The following BCR variants were observed in gnomAD, a reference collection of about 807,000 sequenced individuals.
The protein encoded by BCR is BCR activator of RhoGEF and GTPase, also known as breakpoint cluster region protein.
BCR carries 58 observed loss-of-function variants against 138.6 expected under a neutral mutation model. The ratio of observed to expected loss-of-function variants is 0.42; its 90% CI spans 0.34 to 0.52. The LOEUF is 0.52. Ranked by LOEUF, BCR falls within the 20% of genes least tolerant of loss-of-function variation. The pLI is 0.06. For missense variants in BCR, 1,599 were observed against 1,727.2 expected, an observed-to-expected ratio of 0.93 and a Z score of 1.32; for synonymous variants, 786 against 730.1, an observed-to-expected ratio of 1.08 and a Z score of -1.23.
chr22:23,293,685 C>T (rs998837627), intron 15 of BCR, among the ~76,000 whole-genome samples: 15 of 152,046 alleles, frequency 9.9e-5, no homozygotes, highest in Non-Finnish European at 1.6e-4. Context: ...CAGGCAGCCA[C>T]GGAAGCTCCG....
At chr22:23,302,392 G>A (rs1368870865) in intron 16 of BCR, 1 of 152,378 alleles carries the variant, frequency 6.6e-6, no homozygotes, top group African/African-American at 2.4e-5. Flanking sequence ...GTTGGATCTG[G>A]ACACTCCCGG....
At chr22:23,203,633 T>C (rs943580768) in intron 1 of BCR, among the ~76,000 whole-genome samples, 1 of 152,180 alleles carries the variant, frequency 6.6e-6, no homozygotes, top group African/African-American at 2.4e-5. Context: ...ATTCAGGAAG[T>C]TTCCTGAGGC....
chr22:23,310,519 CCTCT>C, intron 18 of BCR, 86 bp downstream of exon 18: 3 of 732,284 alleles, frequency 4.1e-6, no homozygotes, highest in Non-Finnish European at 4.9e-6. Flanking sequence ...GTGGGTCTCT[CCTCT>C]CTGTGCGTGG....
At chr22:23,236,993 T>C (rs1386344157) in intron 1 of BCR, among the ~76,000 whole-genome samples, 3 of 152,228 alleles carry the variant, frequency 2.0e-5, no homozygotes, top group African/African-American at 7.2e-5. Flanking sequence ...CTGAGGATTT[T>C]CCAGAAGAAG....
intron 10 of BCR, among the ~76,000 whole-genome samples, chr22:23,285,827 A>T (rs944831045): frequency 6.6e-6 from 1 of 152,134 alleles, no homozygotes; most frequent in East Asian, 1.9e-4. Context: ...AGCGCATGAC[A>T]GCTAGCAGTA....
rs1299793441 is a variant in BCR, at chr22:23,182,212, G to A, written c.1252G>A (p.Gly418Ser). Residue 418 changes from glycine (G) to serine (S), a missense_variant, in exon 1 of 23, where the codon GGC (glycine) becomes AGC (serine). Physicochemically the swap from Gly to Ser is moderately conservative, Grantham distance 56 (BLOSUM62 0). This residue lies in a region of BCR where 806 missense variants were observed against 635.0 expected (regional missense o/e 1.27). Transcript: ENST00000305877. The part of the protein sequence containing the change: ...RKTGQIWPND[G>S]EGAFHGDADG... ...GACCGGGCAGATCTGGCCCAACGATGGCGAGGGCGCCTTCCATGGAGACGC... is the reference window on the plus strand; with the variant it reads ...GACCGGGCAGATCTGGCCCAACGATAGCGAGGGCGCCTTCCATGGAGACGC... 2 of 1,581,556 alleles carry A rather than the reference G, an allele frequency of 1.3e-6. No individual in the cohort carries two copies. Among genetic ancestry groups the A allele is most frequent in the Admixed American group, 3.4e-5 (2 of 58,370 alleles).
chr22:23,261,028 C>T lies in BCR; in HGVS notation c.1540C>T (p.Leu514=). 1 of 1,613,790 alleles carries T rather than the reference C, an allele frequency of 6.2e-7. No homozygotes were observed. Among genetic ancestry groups the T allele is most frequent in the Non-Finnish European group, 8.5e-7 (1 of 1,180,000 alleles). The change falls in exon 3 of 23, where the codon CTG becomes TTG. Residue 514 remains leucine, a synonymous_variant. Transcript: ENST00000305877. ...SGILASEETY[L]SHLEALLLPM... ...AATCCTGGCTAGCGAGGAGACTTAC[C>T]TGAGCCACCTGGAGGCACTGCTGCT...
At chr22:23,287,137 A>T in intron 10 of BCR, 22 bp from the exon 11 acceptor site, 1 of 1,572,012 alleles carries the variant, frequency 6.4e-7, no homozygotes. Context: ...TGGGAAGGTG[A>T]GGCTGTGGCA....
Position 23,288,191 on chromosome 22 carries a change from G to A in BCR, c.2602+19G>A, listed in dbSNP as rs761208560. The stretch of plus-strand genomic sequence containing the variant: ...AAGAAGTGTGAGTATCCTCTGTCCT[G>A]AGAGGGGCTGGGCTTCAAACCATTA... On this transcript the variant is annotated intron_variant, in intron 12 of 22. Transcript: ENST00000305877. 6.2e-7 allele frequency: 1 copy of A among 1,610,248 alleles called. No homozygotes were observed. Among genetic ancestry groups the A allele is most frequent in the Non-Finnish European group, 8.5e-7 (1 of 1,176,470 alleles).
intron 16 of BCR, among the ~76,000 whole-genome samples, chr22:23,298,142 C>G (rs531015675): frequency 6.6e-6 from 1 of 152,188 alleles, no homozygotes; most frequent in Non-Finnish European, 1.5e-5. Flanking sequence ...TGGGGACTTG[C>G]AGCCAAGAAG....
At chr22:23,194,158 C>T (rs1362076833) in intron 1 of BCR, among the ~76,000 whole-genome samples, 2 of 152,182 alleles carry the variant, frequency 1.3e-5, no homozygotes, top group Non-Finnish European at 2.9e-5. Flanking sequence ...TATTTTTGCC[C>T]ACATCTTAGA....
chr22:23,313,049 G>C, intron 20 of BCR, 28 bp downstream of exon 20: 1 of 1,546,534 alleles, frequency 6.5e-7, no homozygotes, highest in Non-Finnish European at 8.7e-7. Context: ...TGGCCTCATG[G>C]GAGACGTCTC....
chr22:23,296,622 C>T (rs2073848307), intron 16 of BCR, among the ~76,000 whole-genome samples: 1 of 152,146 alleles, frequency 6.6e-6, no homozygotes, highest in Non-Finnish European at 1.5e-5. Flanking sequence ...CTCAGAGCCT[C>T]CTGGGGCTCC....
At chr22:23,237,118 A>T (rs976071408) in intron 1 of BCR, among the ~76,000 whole-genome samples, 1 of 152,212 alleles carries the variant, frequency 6.6e-6, no homozygotes, top group Non-Finnish European at 1.5e-5. Flanking sequence ...CTGCAGTGGC[A>T]TGGTGATATA....
rs769363209 is a variant in BCR, at chr22:23,313,979, C to T, written c.3469C>T (p.Pro1157Ser). The T allele has an allele frequency of 4.1e-5, 66 of 1,613,846 alleles. No individual in the cohort carries two copies. The highest frequency in any genetic ancestry group is 3.3e-4 in the Middle Eastern group (2 of 6,058). ...NFAEGIALSDPVAKESCMLNL... is the reference protein window; with the variant it reads ...NFAEGIALSDSVAKESCMLNL... ...ACCGCCTTCTGCAGCTCTTTCAGAC[C>T]CGGTTGCAAAGGAGAGCTGCATGCT... Residue 1157 changes from proline (P) to serine (S), a missense_variant, in exon 21 of 23, where the codon CCG becomes TCG. Around this residue, in one of 4 missense-constraint regions of BCR, gnomAD observed 177 missense variants for 226.4 expected, o/e 0.78. Transcript: ENST00000305877.
intron 16 of BCR, among the ~76,000 whole-genome samples, chr22:23,305,646 T>C (rs2073948091): frequency 6.6e-6 from 1 of 152,182 alleles, no homozygotes; most frequent in African/African-American, 2.4e-5. Flanking sequence ...GATAGTTTTC[T>C]AGGCAGACCT....
rs758773118 is a variant in BCR, at chr22:23,310,397, CAG to C, written c.3147_3148del (p.Val1051LeufsTer58). 1 of 1,362,952 alleles carries C rather than the reference CAG, an allele frequency of 7.3e-7. No individual in the cohort carries two copies. Among genetic ancestry groups the C allele is most frequent in the Non-Finnish European group, 1.0e-6 (1 of 954,972 alleles). 84.4% of individuals were successfully genotyped at this position (1,362,952 alleles called of 1,614,324 possible). On this transcript the variant is annotated frameshift_variant, in exon 18 of 23. Coordinates refer to ENST00000305877, the MANE Select transcript of BCR (RefSeq NM_004327.4). LOFTEE classifies it high-confidence loss of function. Reference sequence around the variant, plus strand: ...AAGAGGATGCCGTCCCGAAAACAGACAGGGGTCTTCGGAGTCAAGATTGCTGT... The same window carrying C: ...AAGAGGATGCCGTCCCGAAAACAGACGGGTCTTCGGAGTCAAGATTGCTGT...
At chr22:23,289,937 T>G in intron 13 of BCR, 2 of 514,020 alleles carry the variant, frequency 3.9e-6, no homozygotes, top group South Asian at 4.4e-5. Flanking sequence ...CTCCCAGCCC[T>G]CCTCTCCTCC....
intron 1 of BCR, among the ~76,000 whole-genome samples, chr22:23,247,770 G>GTCAGATTCAT (rs2073172542): frequency 6.6e-6 from 1 of 152,314 alleles, no homozygotes; most frequent in East Asian, 1.9e-4. Context: ...CTGTCTCTAT[G>GTCAGATTCAT]AATCTGACTA....
Sources: gnomAD v4.1 joint callset for allele counts (sites outside exome capture counted in the v4.1 genomes callset) on GRCh38, gnomAD v4.1.1 for gene constraint, gnomAD v4.1.1 regional missense constraint, MANE v1.5 for transcripts, NCBI Gene and HGNC (gene_info 2026-07-23, HGNC 2026-07-21) for gene names.